The following CSMD3 variants were observed in gnomAD, a reference collection of about 807,000 sequenced individuals.
CSMD3 encodes CUB and Sushi multiple domains 3, also known as CUB and sushi domain-containing protein 3.
A neutral mutation model predicts 435.2 loss-of-function variants in CSMD3; 177 were observed. The observed-to-expected ratio is 0.41, with a 90% CI of 0.36 to 0.46. The LOEUF is 0.46. Among genes scored for constraint, CSMD3 ranks in the 20% least tolerant of loss-of-function variants. CSMD3 has a pLI of 0.34. For synonymous variants in CSMD3, 1,656 were observed against 1,520.5 expected (o/e 1.09, Z -2.07); for missense variants, 4,265 against 4,504.6 (o/e 0.95, Z 1.52).
chr8:112,400,587 C>T (rs1417265854), intron 35 of CSMD3, among the ~76,000 whole-genome samples: 1 of 152,068 alleles, frequency 6.6e-6, no homozygotes, highest in East Asian at 1.9e-4. Flanking sequence ...ATCTTTTGCC[C>T]TAAAAGTAGG....
At chr8:113,059,182 C>T (rs2088488316) in intron 5 of CSMD3, among the ~76,000 whole-genome samples, 1 of 152,110 alleles carries the variant, frequency 6.6e-6, no homozygotes, top group Non-Finnish European at 1.5e-5. Flanking sequence ...GTAGGCATCT[C>T]AAAGCAATTT....
At chr8:112,620,312 A>G (rs535424121) in intron 22 of CSMD3, among the ~76,000 whole-genome samples, 136 of 152,292 alleles carry the variant, frequency 8.9e-4, no homozygotes, top group Non-Finnish European at 1.4e-3. Flanking sequence ...AATTATTCCA[A>G]ATGTAGTAAC....
chr8:113,273,427 G>C (rs969163083), intron 3 of CSMD3, among the ~76,000 whole-genome samples: 1 of 151,948 alleles, frequency 6.6e-6, no homozygotes, highest in East Asian at 1.9e-4. Flanking sequence ...AAAAATTCCA[G>C]AAATAAACAA....
intron 45 of CSMD3, among the ~76,000 whole-genome samples, chr8:112,328,749 C>A (rs1013403905): frequency 6.6e-6 from 1 of 152,096 alleles, no homozygotes; most frequent in Non-Finnish European, 1.5e-5. Context: ...CTCATGAAAT[C>A]TGATGGTGTT....
intron 70 of CSMD3, among the ~76,000 whole-genome samples, chr8:112,228,066 T>C (rs1369551974): frequency 6.6e-6 from 1 of 152,058 alleles, no homozygotes; most frequent in African/African-American, 2.4e-5. Context: ...TATATCAATT[T>C]TGGAGGAAAG....
At chr8:113,100,772 TA>T (rs1276449372) in intron 4 of CSMD3, among the ~76,000 whole-genome samples, 1 of 152,142 alleles carries the variant, frequency 6.6e-6, no homozygotes, top group South Asian at 2.1e-4. Context: ...TTTGTCTGTT[TA>T]AAAATAAATG....
At chr8:113,292,476 CTAAA>C (rs1359910267) in intron 2 of CSMD3, among the ~76,000 whole-genome samples, 6 of 151,474 alleles carry the variant, frequency 4.0e-5, no homozygotes, top group Non-Finnish European at 5.9e-5. Flanking sequence ...TATTTGGAAA[CTAAA>C]TATTATGAAG....
chr8:112,378,280 C>T (rs897537100), intron 38 of CSMD3, among the ~76,000 whole-genome samples: 6 of 148,184 alleles, frequency 4.0e-5, no homozygotes, highest in South Asian at 2.1e-4. Flanking sequence ...AAAAAAAAAA[C>T]GGAAAATAGA....
chr8:112,534,449 C>T (rs372513580), intron 27 of CSMD3, among the ~76,000 whole-genome samples: 9 of 152,006 alleles, frequency 5.9e-5, no homozygotes, highest in South Asian at 2.1e-4. Flanking sequence ...ATAAATTCCT[C>T]GACACATACA....
At chr8:113,194,024 TA>T (rs2092620795) in intron 3 of CSMD3, among the ~76,000 whole-genome samples, 3 of 151,354 alleles carry the variant, frequency 2.0e-5, no homozygotes. Flanking sequence ...TTGAAGGACT[TA>T]ATTTCCATAA....
chr8:113,026,440 G>C (rs1417545673), intron 5 of CSMD3, among the ~76,000 whole-genome samples: 2 of 152,044 alleles, frequency 1.3e-5, no homozygotes, highest in African/African-American at 4.8e-5. Flanking sequence ...GTTTTTGGTT[G>C]GACAAGTACC....
intron 7 of CSMD3, among the ~76,000 whole-genome samples, chr8:112,969,802 A>T (rs545395655): frequency 2.2e-4 from 34 of 152,192 alleles, no homozygotes; most frequent in African/African-American, 8.2e-4. Context: ...AATTTCTATT[A>T]TTCTACTAAA....
At chr8:113,416,751 G>A (rs967426712) in intron 1 of CSMD3, among the ~76,000 whole-genome samples, 3 of 152,178 alleles carry the variant, frequency 2.0e-5, no homozygotes, top group South Asian at 2.1e-4. Flanking sequence ...CTTTCACTTG[G>A]TTGTGGTCCT....
intron 10 of CSMD3, among the ~76,000 whole-genome samples, chr8:112,862,843 G>C (rs748380813): frequency 3.9e-5 from 6 of 152,080 alleles, no homozygotes; most frequent in South Asian, 4.1e-4. Flanking sequence ...AGTTTGTTCA[G>C]TATACTCCCA....
rs143055950 is a variant in CSMD3, at chr8:113,230,388, G to C, written c.514+48204C>G. On this transcript the variant is annotated intron_variant, in intron 3 of 70. Transcript: ENST00000297405. ...GTAATAATTTTTATGTTGCCTTTCT[G>C]TACATAATTAAATATTCTTGTATAA... Among the ~76,000 whole-genome samples the C allele has an allele frequency of 8.8e-3, 1,339 of 151,332 alleles. 6 individuals carry two copies. The highest frequency in any genetic ancestry group is 0.024 in the Middle Eastern group (7 of 294).
intron 7 of CSMD3, among the ~76,000 whole-genome samples, chr8:112,973,597 T>C (rs2084739652): frequency 6.6e-6 from 1 of 151,956 alleles, no homozygotes; most frequent in Non-Finnish European, 1.5e-5. Flanking sequence ...ATGTCAGCCA[T>C]TTCCAGTTTA....
At chr8:112,977,018 T>C (rs1300944638) in intron 6 of CSMD3, among the ~76,000 whole-genome samples, 1 of 152,060 alleles carries the variant, frequency 6.6e-6, no homozygotes, top group African/African-American at 2.4e-5. Context: ...TAAATATTTT[T>C]TAATAATTTA....
intron 31 of CSMD3, among the ~76,000 whole-genome samples, chr8:112,491,368 C>T (rs188126686): frequency 2.9e-4 from 44 of 152,098 alleles, no homozygotes; most frequent in Middle Eastern, 3.4e-3. Flanking sequence ...GTAATATGTA[C>T]TCTCGGCCGG....
intron 3 of CSMD3, among the ~76,000 whole-genome samples, chr8:113,240,070 A>G (rs887272305): frequency 3.3e-5 from 5 of 151,864 alleles, no homozygotes; most frequent in Admixed American, 2.0e-4. Flanking sequence ...TGTTCTCATC[A>G]TTTAGCTCTC....
Sources: gnomAD v4.1 joint callset for allele counts (sites outside exome capture counted in the v4.1 genomes callset) on GRCh38, gnomAD v4.1.1 for gene constraint, MANE v1.5 for transcripts, NCBI Gene and HGNC (gene_info 2026-07-23, HGNC 2026-07-21) for gene names.